Variants in PAIP1 observed in about 807,000 individuals in gnomAD.
PAIP1 encodes polyadenylate-binding protein-interacting protein 1.
Under a neutral mutation model 61.3 loss-of-function variants are expected in PAIP1, and 16 were observed. That is an observed-to-expected ratio of 0.26 (90% CI 0.18 to 0.40). PAIP1 has a LOEUF of 0.40. Ranked by LOEUF, PAIP1 falls within the 10% of genes least tolerant of loss-of-function variation. The probability of loss-of-function intolerance (pLI) is 1.00; values close to 1 mark genes in which losing one functional copy is unlikely to be tolerated. For missense variants in PAIP1, 416 were observed against 600.9 expected, an observed-to-expected ratio of 0.69 and a Z score of 3.22; for synonymous variants, 187 against 226.2, an observed-to-expected ratio of 0.83 and a Z score of 1.56.
chr5:43,556,372 C>G (rs949585021), intron 1 of PAIP1: 2 of 1,231,942 alleles, frequency 1.6e-6, no homozygotes, highest in Admixed American at 4.2e-5. Context: ...CCCGGCCCCT[C>G]CCCCCAGCCA....
chr5:43,541,517 C>T (rs1160323454), intron 4 of PAIP1, among the ~76,000 whole-genome samples: 1 of 149,814 alleles, frequency 6.7e-6, no homozygotes, highest in Non-Finnish European at 1.5e-5. Context: ...GAGATGGGAA[C>T]TCATCTTTTT....
Position 43,547,851 on chromosome 5 carries a change from C to A in PAIP1, c.498G>T (p.Leu166Phe), listed in dbSNP as rs1402790064. ...TGCCAGGCTGCTCTGTAAGATGATT[C>A]AAAAAATCCTGAACATATTCTGATA... ...PTLSEYVQDF[L>F]NHLTEQPGSF... Residue 166 changes from leucine to phenylalanine, a missense_variant, in exon 3 of 11, where the codon TTG becomes TTT. Leu to Phe is a conservative substitution (Grantham distance 22, BLOSUM62 0). Coordinates refer to ENST00000306846, the MANE Select transcript of PAIP1 (RefSeq NM_006451.5). 5.0e-6 allele frequency: 8 copies of A among 1,611,748 alleles called. No homozygotes were observed. The highest frequency in any genetic ancestry group is 5.9e-6 in the Non-Finnish European group (7 of 1,178,328).
chr5:43,550,954 T>G (rs1461993569), intron 2 of PAIP1, among the ~76,000 whole-genome samples: 1 of 151,958 alleles, frequency 6.6e-6, no homozygotes, highest in Admixed American at 6.6e-5. Context: ...GATATTCTCT[T>G]TCTATGGGCA....
intron 10 of PAIP1, 107 bp downstream of exon 10, chr5:43,529,679 A>G: frequency 1.4e-6 from 1 of 735,642 alleles, no homozygotes; most frequent in Non-Finnish European, 2.5e-6. Flanking sequence ...GGCACGAGCC[A>G]CTGCGCCTGG....
At chr5:43,529,559 T>G (rs1008023830) in intron 10 of PAIP1, among the ~76,000 whole-genome samples, 4 of 152,146 alleles carry the variant, frequency 2.6e-5, no homozygotes, top group Non-Finnish European at 5.9e-5. Context: ...TCCTGGCTAA[T>G]TTTTGTACTT....
At chr5:43,544,774 AG>A (rs1747564838) in intron 3 of PAIP1, among the ~76,000 whole-genome samples, 1 of 152,154 alleles carries the variant, frequency 6.6e-6, no homozygotes, top group Admixed American at 6.5e-5. Context: ...GCATCCCCAA[AG>A]GAAAAAAGAC....
At chr5:43,536,966 A>G (rs1331090912) in intron 5 of PAIP1, 22 bp from the exon 6 acceptor site, 7 of 1,547,514 alleles carry the variant, frequency 4.5e-6, no homozygotes, top group Middle Eastern at 3.4e-4. Flanking sequence ...AAAAAAAAGA[A>G]CAAAAGGAAT....
chr5:43,548,555 T>C (rs549567668), intron 2 of PAIP1, among the ~76,000 whole-genome samples: 81 of 152,320 alleles, frequency 5.3e-4, no homozygotes, highest in African/African-American at 1.8e-3. Context: ...ACAACCTTGA[T>C]AGCAGCAGTA....
intron 2 of PAIP1, among the ~76,000 whole-genome samples, chr5:43,549,923 C>A (rs1353983656): frequency 1.3e-5 from 2 of 152,020 alleles, no homozygotes; most frequent in African/African-American, 4.8e-5. Context: ...GGGGTTTCAC[C>A]ATGTTGATCA....
chr5:43,549,581 G>A (rs892933537), intron 2 of PAIP1, among the ~76,000 whole-genome samples: 1 of 152,092 alleles, frequency 6.6e-6, no homozygotes, highest in Non-Finnish European at 1.5e-5. Context: ...TTGTGGAACT[G>A]TAAGTCCAAT....
intron 5 of PAIP1, among the ~76,000 whole-genome samples, chr5:43,538,255 G>C (rs935241513): frequency 6.6e-6 from 1 of 152,040 alleles, no homozygotes; most frequent in Non-Finnish European, 1.5e-5. Flanking sequence ...ATTTCATTTA[G>C]GGGGAATAAG....
At chr5:43,528,552 C>G (rs904853581) in intron 10 of PAIP1, among the ~76,000 whole-genome samples, 1 of 152,102 alleles carries the variant, frequency 6.6e-6, no homozygotes, top group Non-Finnish European at 1.5e-5. Context: ...GCGGTATACC[C>G]AAGTAGATGG....
intron 9 of PAIP1, among the ~76,000 whole-genome samples, chr5:43,533,133 G>A (rs954007918): frequency 3.9e-5 from 6 of 152,132 alleles, no homozygotes; most frequent in Non-Finnish European, 5.9e-5. Context: ...GTCAATGCTT[G>A]GAATCCAGAG....
chr5:43,535,198 C>T (rs1023696426), intron 7 of PAIP1, among the ~76,000 whole-genome samples: 4 of 152,112 alleles, frequency 2.6e-5, no homozygotes, highest in African/African-American at 9.7e-5. Context: ...GGCTATCCTT[C>T]AAACATTTTT....
intron 9 of PAIP1, among the ~76,000 whole-genome samples, chr5:43,530,142 A>G (rs1746880192): frequency 6.6e-6 from 1 of 152,254 alleles, no homozygotes; most frequent in Non-Finnish European, 1.5e-5. Context: ...GGGGAAGAAC[A>G]GTCCTTCCAT....
chr5:43,539,856 T>C (rs1315209327), intron 4 of PAIP1, among the ~76,000 whole-genome samples: 1 of 152,228 alleles, frequency 6.6e-6, no homozygotes, highest in African/African-American at 2.4e-5. Context: ...ATTTTTTAAA[T>C]GGACTGTAAA....
At chr5:43,533,822 T>A (rs377559171) in intron 8 of PAIP1, 30 bp from the exon 9 acceptor site, 2 of 1,285,612 alleles carry the variant, frequency 1.6e-6, no homozygotes, top group East Asian at 2.3e-5. Context: ...TAAAAATATG[T>A]AATCATTTCA....
rs989739305 is a variant in PAIP1, at chr5:43,536,912, T to G, written c.879A>C (p.Ala293=). 6.3e-7 allele frequency: 1 copy of G among 1,591,920 alleles called. No individual in the cohort carries two copies. The highest frequency in any genetic ancestry group is 1.4e-5 in the African/African-American group (1 of 73,750). The change falls in exon 6 of 11, where the codon GCA becomes GCC. Residue 293 remains alanine (A), a synonymous_variant. Transcript: ENST00000306846. ...IKGTNGQVTR[A]DILQVGLREL... is the part of the protein sequence containing the mutation. ...CTCGAAGACCAACCTGAAGAATATC[T>G]GCTCTTGTAACCTGTCCATTTGTTC...
At chr5:43,551,414 CAA>C (rs1747862734) in intron 2 of PAIP1, among the ~76,000 whole-genome samples, 3 of 151,998 alleles carry the variant, frequency 2.0e-5, no homozygotes, top group African/African-American at 7.2e-5. Flanking sequence ...TTTAAGAAAA[CAA>C]GAGACAACAG....
Sources: allele counts gnomAD v4.1 joint callset (sites outside exome capture counted in the v4.1 genomes callset), GRCh38; gene constraint gnomAD v4.1.1; transcripts MANE v1.5; gene names NCBI Gene and HGNC (gene_info 2026-07-23, HGNC 2026-07-21).